Variants in ECPAS observed in about 807,000 individuals in gnomAD.
The protein encoded by ECPAS is Ecm29 proteasome adaptor and scaffold.
Under a neutral mutation model 255.1 loss-of-function variants are expected in ECPAS, and 70 were observed. The ratio of observed to expected loss-of-function variants is 0.27; its 90% confidence interval spans 0.23 to 0.33. The LOEUF (loss-of-function observed/expected upper bound fraction) is 0.33. Among genes scored for constraint, ECPAS ranks in the 10% least tolerant of loss-of-function variants. The pLI, the probability that ECPAS is intolerant of heterozygous loss-of-function variation, is 1.00. For missense variants in ECPAS, 1,817 were observed against 2,206.4 expected, an observed-to-expected ratio of 0.82 and a Z score of 3.54; for synonymous variants, 784 against 775.0, an observed-to-expected ratio of 1.01 and a Z score of -0.19.
intron 45 of ECPAS, 123 bp from the exon 46 acceptor site, chr9:111,369,296 CT>C (rs2098124500): frequency 1.6e-6 from 1 of 642,818 alleles, no homozygotes; most frequent in Non-Finnish European, 2.3e-6. Context: ...ATGATAAATT[CT>C]CTACCATAAG....
At chr9:111,417,083 T>TA (rs2098204956) in intron 17 of ECPAS, among the ~76,000 whole-genome samples, 1 of 151,398 alleles carries the variant, frequency 6.6e-6, no homozygotes, top group South Asian at 2.1e-4. Context: ...CTACAAAAAA[T>TA]AAAAAAATTA....
intron 1 of ECPAS, among the ~76,000 whole-genome samples, chr9:111,479,935 C>T (rs149839692): frequency 0.014 from 2,115 of 147,838 alleles, 66 homozygotes; most frequent in African/African-American, 0.05. Context: ...GCCGAGATCG[C>T]GCGCCACTGC....
chr9:111,481,543 T>C (rs1048616869), intron 1 of ECPAS, among the ~76,000 whole-genome samples: 5 of 152,008 alleles, frequency 3.3e-5, no homozygotes, highest in Non-Finnish European at 7.4e-5. Flanking sequence ...GTACAGTGGT[T>C]CCTTAAAAAT....
At chr9:111,473,048 T>C (rs1005830212) in intron 1 of ECPAS, 48 bp from the exon 2 acceptor site, 7 of 459,358 alleles carry the variant, frequency 1.5e-5, no homozygotes, top group African/African-American at 1.5e-4. Flanking sequence ...TGTATATGCA[T>C]AGCTACAATT....
intron 8 of ECPAS, among the ~76,000 whole-genome samples, chr9:111,432,799 T>G (rs2098232104): frequency 6.6e-6 from 1 of 152,256 alleles, no homozygotes; most frequent in Non-Finnish European, 1.5e-5. Context: ...TCTCCTCGTG[T>G]GTGAATTAGA....
chr9:111,435,151 A>C (rs1192078036), intron 7 of ECPAS, among the ~76,000 whole-genome samples: 1 of 151,426 alleles, frequency 6.6e-6, no homozygotes, highest in African/African-American at 2.4e-5. Flanking sequence ...CACCCACCTC[A>C]GCCTCCCAAA....
intron 19 of ECPAS, 130 bp downstream of exon 19, chr9:111,414,299 A>T: frequency 2.5e-6 from 2 of 808,458 alleles, no homozygotes; most frequent in South Asian, 1.8e-5. Flanking sequence ...GGTAAGTTTA[A>T]AAAGAAACAA....
intron 1 of ECPAS, among the ~76,000 whole-genome samples, chr9:111,475,357 C>T (rs1275444802): frequency 6.6e-6 from 1 of 152,320 alleles, no homozygotes; most frequent in South Asian, 2.1e-4. Context: ...ATCTTCTGAA[C>T]AAGGTCAATG....
chr9:111,474,516 C>T (rs548432563), intron 1 of ECPAS, among the ~76,000 whole-genome samples: 143 of 152,258 alleles, frequency 9.4e-4, no homozygotes, highest in Middle Eastern at 3.4e-3. Context: ...TCTTGATCTC[C>T]GGATCCTTGC....
Position 111,412,196 on chromosome 9 carries a change from G to A in ECPAS, c.2080-48C>T, listed in dbSNP as rs184513639. 406 of 1,429,376 alleles carry A rather than the reference G, an allele frequency of 2.8e-4. 3 individuals are homozygous for A. The African/African-American group carries it at 4.3e-3, about 15-fold the overall frequency. The allele number at this position is 1,429,376 out of a possible 1,614,324, so 88.5% of individuals were successfully genotyped here. ...AAATATATACATGACACAGAACCAC[G>A]TGCCTGATGACAACATCTTTTAAAA... On this transcript the variant is annotated intron_variant, in intron 20 of 49. Coordinates refer to ENST00000684092, the MANE Select transcript of ECPAS (RefSeq NM_001364929.1).
In ECPAS at chr9:111,373,990, C is replaced by T. The variant is rs201219641; in HGVS notation, c.4159G>A (p.Asp1387Asn). The change falls in exon 39 of 50, where the codon GAC becomes AAC. Residue 1387 changes from aspartate to asparagine, a missense_variant. Transcript: ENST00000684092. ...IVSLTTQCPQ[D>N]LTPYSGKLMS... ...AACTCACCTGAGTAAGGTGTTAGGT[C>T]CTGAGGACACTGAGTAGTTAATGAC... The T allele has an allele frequency of 7.4e-6, 12 of 1,613,146 alleles. No individual in the cohort carries two copies. The highest frequency in any genetic ancestry group is 1.0e-5 in the Non-Finnish European group (12 of 1,179,308).
At chr9:111,466,731 C>G in intron 2 of ECPAS, among the ~76,000 whole-genome samples, 1 of 152,060 alleles carries the variant, frequency 6.6e-6, no homozygotes, top group East Asian at 1.9e-4. Context: ...TCATTGCAGT[C>G]TCAAGCCATT....
intron 3 of ECPAS, among the ~76,000 whole-genome samples, chr9:111,450,892 T>C (rs949039914): frequency 2.0e-5 from 3 of 152,144 alleles, no homozygotes; most frequent in African/African-American, 7.2e-5. Context: ...GCCACTGCAC[T>C]CCAGCCTGGG....
intron 18 of ECPAS, 107 bp downstream of exon 18, chr9:111,416,165 A>G: frequency 1.4e-6 from 1 of 718,772 alleles, no homozygotes; most frequent in Non-Finnish European, 2.4e-6. Flanking sequence ...TGACACCACA[A>G]TATGGGTTTA....
intron 1 of ECPAS, chr9:111,483,809 G>A (rs1244325601): frequency 3.8e-5 from 8 of 212,498 alleles, no homozygotes; most frequent in African/African-American, 1.4e-4. Context: ...CGCCGTCTGT[G>A]CGGCCGAATC....
intron 2 of ECPAS, 84 bp from the exon 3 acceptor site, chr9:111,451,639 T>C (rs920550482): frequency 7.8e-7 from 1 of 1,288,928 alleles, no homozygotes; most frequent in Non-Finnish European, 1.0e-6. Flanking sequence ...ATTCTTTTTT[T>C]CTGTACTGCA....
chr9:111,434,561 C>A (rs954773706), intron 7 of ECPAS, among the ~76,000 whole-genome samples: 1 of 150,272 alleles, frequency 6.7e-6, no homozygotes, highest in Non-Finnish European at 1.5e-5. Context: ...AGATGACAAA[C>A]TAGTGTGACA....
chr9:111,388,930 C>T (rs956949069), intron 31 of ECPAS, among the ~76,000 whole-genome samples: 2 of 152,162 alleles, frequency 1.3e-5, no homozygotes, highest in Admixed American at 6.5e-5. Context: ...TGAAACAACA[C>T]TGAAGTGAAA....
rs1477069001 is a variant in ECPAS, at chr9:111,373,155, GA to G, written c.4336+14del. The G allele has an allele frequency of 6.2e-7, 1 of 1,606,110 alleles. No individual in the cohort carries two copies. The highest frequency in any genetic ancestry group is 1.7e-5 in the Admixed American group (1 of 59,926). The stretch of plus-strand genomic sequence containing the variant: ...TCTAAATTTAAAATGACATAAAATA[GA>G]AAAAGAAAGGTACCTTCTTTCTCCA... On this transcript the variant is annotated intron_variant, in intron 41 of 49. Transcript: ENST00000684092.
Sources: allele counts gnomAD v4.1 joint callset (sites outside exome capture counted in the v4.1 genomes callset), GRCh38; gene constraint gnomAD v4.1.1; transcripts MANE v1.5; gene names NCBI Gene and HGNC (gene_info 2026-07-23, HGNC 2026-07-21).